SORCS3: variants seen among roughly 807,000 people sequenced by gnomAD.
SORCS3 encodes the protein sortilin related VPS10 domain containing receptor 3, also known as VPS10 domain-containing receptor SorCS3.
A neutral mutation model predicts 146.3 loss-of-function variants in SORCS3; 57 were observed. The observed-to-expected ratio is 0.39, with a 90% CI of 0.31 to 0.49. SORCS3 has a LOEUF of 0.49. SORCS3 is among the 20% of genes least tolerant of loss of function. The pLI is 0.92. For synonymous variants in SORCS3, 653 were observed against 618.5 expected, an observed-to-expected ratio of 1.06 and a Z score of -0.83; for missense variants, 1,341 against 1,575.5, an observed-to-expected ratio of 0.85 and a Z score of 2.52.
chr10:104,991,839 G>A (rs1030653586), intron 4 of SORCS3, among the ~76,000 whole-genome samples: 4 of 152,070 alleles, frequency 2.6e-5, no homozygotes, highest in Non-Finnish European at 5.9e-5. Context: ...TATTGGATTA[G>A]GGCCTGCTCT....
chr10:105,245,729 C>G lies in SORCS3; in HGVS notation c.2992+64C>G. The G allele has an allele frequency of 3.9e-6, 6 of 1,555,400 alleles. No individual in the cohort carries two copies. The Admixed American group carries it at 5.6e-5, about 15-fold the overall frequency. On this transcript the variant is annotated intron_variant, in intron 21 of 26. Coordinates refer to ENST00000369701, the MANE Select transcript of SORCS3 (RefSeq NM_014978.3). ...TCAGTTAATCTCCTGTGTCCACTCT[C>G]CCTACAATCATTGAGTGTGGTGGAA...
intron 4 of SORCS3, among the ~76,000 whole-genome samples, chr10:105,016,580 C>A (rs1365000781): frequency 4.6e-5 from 7 of 152,066 alleles, no homozygotes; most frequent in African/African-American, 1.4e-4. Context: ...ACAACAACAA[C>A]AACAAAAAAT....
chr10:104,755,838 AT>A (rs1211047160), intron 1 of SORCS3, among the ~76,000 whole-genome samples: 1 of 152,196 alleles, frequency 6.6e-6, no homozygotes, highest in East Asian at 1.9e-4. Context: ...AATCATAATG[AT>A]CAATGTTCCT....
chr10:104,855,418 G>T (rs112096692), intron 2 of SORCS3, among the ~76,000 whole-genome samples: 3,270 of 152,244 alleles, frequency 0.021, 105 homozygotes, highest in African/African-American at 0.066. Flanking sequence ...GTGGACTACT[G>T]ACATCTTTAG....
intron 1 of SORCS3, among the ~76,000 whole-genome samples, chr10:104,783,571 T>A (rs139920267): frequency 1.3e-5 from 2 of 152,130 alleles, no homozygotes; most frequent in African/African-American, 4.8e-5. Flanking sequence ...CTGCAAAAAT[T>A]CAAAAATTAG....
At chr10:104,908,542 G>T (rs1028425993) in intron 2 of SORCS3, among the ~76,000 whole-genome samples, 1 of 152,158 alleles carries the variant, frequency 6.6e-6, no homozygotes. Context: ...GACATGAAAA[G>T]CTTGCACAGC....
intron 2 of SORCS3, among the ~76,000 whole-genome samples, chr10:104,911,102 C>G (rs776433797): frequency 6.6e-6 from 1 of 152,248 alleles, no homozygotes; most frequent in African/African-American, 2.4e-5. Context: ...CTTGTAAGAG[C>G]AAGTTCTGCC....
At chr10:104,921,787 A>G (rs1381279558) in intron 3 of SORCS3, among the ~76,000 whole-genome samples, 3 of 152,090 alleles carry the variant, frequency 2.0e-5, no homozygotes, top group Non-Finnish European at 2.9e-5. Flanking sequence ...CTATCTGCCC[A>G]CAGGGTTGGT....
intron 4 of SORCS3, among the ~76,000 whole-genome samples, chr10:104,980,321 A>T (rs2054925018): frequency 6.6e-6 from 1 of 152,208 alleles, no homozygotes; most frequent in African/African-American, 2.4e-5. Context: ...CTTTTAAATA[A>T]ATGATGTGTG....
intron 4 of SORCS3, among the ~76,000 whole-genome samples, chr10:105,020,254 T>C (rs2133688095): frequency 6.6e-6 from 1 of 152,318 alleles, no homozygotes; most frequent in East Asian, 1.9e-4. Context: ...ACTCGTTCTT[T>C]ATGGAAAGAA....
At chr10:104,910,230 G>A (rs900821079) in intron 2 of SORCS3, among the ~76,000 whole-genome samples, 3 of 152,136 alleles carry the variant, frequency 2.0e-5, no homozygotes, top group Non-Finnish European at 2.9e-5. Context: ...CTGAGCAGGC[G>A]GTGAAACCAA....
At chr10:105,193,343 A>G (rs916536066) in intron 14 of SORCS3, among the ~76,000 whole-genome samples, 1 of 152,218 alleles carries the variant, frequency 6.6e-6, no homozygotes, top group African/African-American at 2.4e-5. Context: ...AGATGAAGCT[A>G]TTACCTCAAT....
intron 13 of SORCS3, among the ~76,000 whole-genome samples, chr10:105,172,446 A>G (rs535552437): frequency 2.0e-5 from 3 of 152,158 alleles, no homozygotes; most frequent in African/African-American, 7.2e-5. Flanking sequence ...TCTTTATTCT[A>G]TCTGTATGTT....
intron 9 of SORCS3, among the ~76,000 whole-genome samples, chr10:105,153,065 A>T (rs181987899): frequency 6.6e-6 from 1 of 152,326 alleles, no homozygotes; most frequent in East Asian, 1.9e-4. Context: ...CAATCAAGAC[A>T]TAGAACAGTT....
At chr10:104,721,672 C>T (rs1022128098) in intron 1 of SORCS3, among the ~76,000 whole-genome samples, 1 of 152,204 alleles carries the variant, frequency 6.6e-6, no homozygotes, top group East Asian at 1.9e-4. Flanking sequence ...GTTTGTAGTT[C>T]TCCTTGAAGA....
intron 7 of SORCS3, among the ~76,000 whole-genome samples, chr10:105,134,181 A>G (rs1189704938): frequency 2.0e-5 from 3 of 152,162 alleles, no homozygotes; most frequent in Admixed American, 2.0e-4. Context: ...TTAGAGCCAA[A>G]CTTTCTGAGG....
intron 18 of SORCS3, 125 bp downstream of exon 18, chr10:105,214,738 T>C: frequency 1.1e-6 from 1 of 905,014 alleles, no homozygotes; most frequent in Non-Finnish European, 1.6e-6. Context: ...CTGAAATTTC[T>C]GGAAAGAAGA....
rs140403528 is a variant in SORCS3 at position 105,162,146 on chromosome 10, T to C, written c.1733-2157T>C. Among the ~76,000 whole-genome samples, 1,218 of 152,192 alleles carry C rather than the reference T, an allele frequency of 8.0e-3. 6 individuals carry two copies. The highest frequency in any genetic ancestry group is 0.02 in the Middle Eastern group (6 of 294). ...GCTAGCCCTCAGAGGACTTCAATAT[T>C]CTCTCCCTTTTATTTTATTTTTTTA... On this transcript the variant is annotated intron_variant, in intron 11 of 26. Coordinates refer to ENST00000369701, the MANE Select transcript of SORCS3 (RefSeq NM_014978.3).
chr10:104,655,723 T>C (rs908197154), intron 1 of SORCS3, among the ~76,000 whole-genome samples: 3 of 152,138 alleles, frequency 2.0e-5, no homozygotes, highest in African/African-American at 7.2e-5. Flanking sequence ...CTTGTGACAG[T>C]GAGTGAGTTC....
Sources: allele counts gnomAD v4.1 joint callset (sites outside exome capture counted in the v4.1 genomes callset), GRCh38; gene constraint gnomAD v4.1.1; transcripts MANE v1.5; gene names NCBI Gene and HGNC (gene_info 2026-07-23, HGNC 2026-07-21).